Variants in PDE4D observed in about 807,000 individuals in gnomAD.
PDE4D encodes the protein 3',5'-cyclic-AMP phosphodiesterase 4D.
Under a neutral mutation model 87.4 loss-of-function variants are expected in PDE4D, and 24 were observed. The observed-to-expected ratio is 0.27, with a 90% CI of 0.20 to 0.39. The LOEUF is 0.39. Among genes scored for constraint, PDE4D ranks in the 10% least tolerant of loss-of-function variants. The pLI is 1.00. For missense variants in PDE4D, 714 were observed against 1,041.0 expected, an observed-to-expected ratio of 0.69 and a Z score of 4.32; for synonymous variants, 384 against 383.2, an observed-to-expected ratio of 1.00 and a Z score of -0.02.
chr5:60,426,394 G>A (rs1248565273), intron 1 of PDE4D, among the ~76,000 whole-genome samples: 2 of 152,112 alleles, frequency 1.3e-5, no homozygotes, highest in Non-Finnish European at 2.9e-5. Context: ...CATGGATGAA[G>A]CTGGAAACCA....
At chr5:59,736,416 C>G (rs910646928) in intron 1 of PDE4D, among the ~76,000 whole-genome samples, 2 of 152,042 alleles carry the variant, frequency 1.3e-5, no homozygotes, top group Non-Finnish European at 2.9e-5. Context: ...CAGTGGCACA[C>G]TCTTATAATC....
intron 1 of PDE4D, among the ~76,000 whole-genome samples, chr5:59,712,930 T>C (rs1475237494): frequency 1.3e-5 from 2 of 152,190 alleles, no homozygotes; most frequent in Non-Finnish European, 2.9e-5. Flanking sequence ...TAGTCCAGTA[T>C]AAATGTTTTA....
At chr5:58,986,945 G>T (rs781189915) in intron 11 of PDE4D, among the ~76,000 whole-genome samples, 1 of 114,906 alleles carries the variant, frequency 8.7e-6, no homozygotes, top group African/African-American at 3.2e-5. Context: ...CAGTTTGAAT[G>T]TTTGGTGTTT....
chr5:59,974,238 GA>G, intron 3 of PDE4D, among the ~76,000 whole-genome samples: 1 of 152,184 alleles, frequency 6.6e-6, no homozygotes, highest in African/African-American at 2.4e-5. Flanking sequence ...GAATATATAA[GA>G]AAGCAATAGT....
intron 1 of PDE4D, among the ~76,000 whole-genome samples, chr5:60,480,830 G>A (rs1286159724): frequency 6.6e-5 from 10 of 152,126 alleles, no homozygotes. Context: ...TCAGGGTGAA[G>A]AATGCAAGTG....
At chr5:59,346,039 A>G (rs917123116) in intron 1 of PDE4D, among the ~76,000 whole-genome samples, 1 of 152,232 alleles carries the variant, frequency 6.6e-6, no homozygotes, top group Non-Finnish European at 1.5e-5. Context: ...CAAAATGAGA[A>G]TAAAGAATGC....
chr5:59,003,669 T>A (rs1326015561), intron 6 of PDE4D, among the ~76,000 whole-genome samples: 1 of 151,936 alleles, frequency 6.6e-6, no homozygotes, highest in Non-Finnish European at 1.5e-5. Context: ...ATAAGCACAA[T>A]GGAGAGAAAG....
chr5:59,019,812 C>T (rs1183928071), intron 6 of PDE4D, among the ~76,000 whole-genome samples: 8 of 152,182 alleles, frequency 5.3e-5, no homozygotes, highest in African/African-American at 1.4e-4. Flanking sequence ...TTCATTAACA[C>T]ACAACAGGCT....
chr5:60,302,915 C>T (rs192360506), intron 1 of PDE4D, among the ~76,000 whole-genome samples: 134 of 152,172 alleles, frequency 8.8e-4, no homozygotes, highest in Non-Finnish European at 1.5e-3. Context: ...CTCCAACCTC[C>T]GCCTCTCAGG....
intron 1 of PDE4D, among the ~76,000 whole-genome samples, chr5:59,224,821 C>A (rs1055281458): frequency 6.6e-6 from 1 of 152,140 alleles, no homozygotes; most frequent in Non-Finnish European, 1.5e-5. Context: ...GAGAAAGCAG[C>A]CATCTGTATG....
Position 58,975,211 on chromosome 5 carries a change from C to A in PDE4D, c.2014-131G>T. Reference sequence around the variant, plus strand: ...ACTAAACTTAGTTTGGTAAAATTGTCACTATTTTCAACAACAACAGACCAT... The same window carrying A: ...ACTAAACTTAGTTTGGTAAAATTGTAACTATTTTCAACAACAACAGACCAT... On this transcript the variant is annotated intron_variant, in intron 14 of 14. Transcript: ENST00000340635. The surrounding 1 kb of genome is among the most constrained non-coding windows in gnomAD (Gnocchi z 4.2). 1 of 517,622 alleles carries A rather than the reference C, an allele frequency of 1.9e-6. No individual in the cohort carries two copies. The highest frequency in any genetic ancestry group is 3.3e-6 in the Non-Finnish European group (1 of 307,596). 32.1% of individuals were successfully genotyped at this position (517,622 alleles called of 1,614,324 possible).
At chr5:60,127,342 T>G (rs1044603882) in intron 2 of PDE4D, among the ~76,000 whole-genome samples, 1 of 152,030 alleles carries the variant, frequency 6.6e-6, no homozygotes, top group Non-Finnish European at 1.5e-5. Flanking sequence ...GGCAAGGGTG[T>G]GTGGTGAGTG....
intron 1 of PDE4D, among the ~76,000 whole-genome samples, chr5:60,220,028 A>T (rs1240717176): frequency 2.0e-5 from 3 of 152,176 alleles, no homozygotes; most frequent in Non-Finnish European, 4.4e-5. Flanking sequence ...CACATGTCAG[A>T]ATTATCTTGA....
At chr5:58,996,642 G>C (rs1240824798) in intron 6 of PDE4D, among the ~76,000 whole-genome samples, 5 of 152,106 alleles carry the variant, frequency 3.3e-5, no homozygotes, top group African/African-American at 1.2e-4. Context: ...GTTATCACAG[G>C]TTTATCTTCT....
intron 1 of PDE4D, among the ~76,000 whole-genome samples, chr5:60,473,418 T>C (rs1404670876): frequency 6.6e-6 from 1 of 152,174 alleles, no homozygotes; most frequent in Non-Finnish European, 1.5e-5. Context: ...GTATGATGTC[T>C]GCAACTTACT....
At chr5:60,135,059 G>A (rs1451794263) in intron 2 of PDE4D, among the ~76,000 whole-genome samples, 1 of 152,166 alleles carries the variant, frequency 6.6e-6, no homozygotes, top group Non-Finnish European at 1.5e-5. Context: ...CTAAATGTTT[G>A]TGTCCCTTCA....
At chr5:60,084,497 G>GAA (rs111964867) in intron 2 of PDE4D, among the ~76,000 whole-genome samples, 1 of 145,450 alleles carries the variant, frequency 6.9e-6, no homozygotes, top group African/African-American at 2.5e-5. Context: ...CTTCTTTCCA[G>GAA]AAAAAAAAAA....
chr5:59,898,705 A>G (rs1751926715), upstream of PDE4D, among the ~76,000 whole-genome samples: 1 of 152,214 alleles, frequency 6.6e-6, no homozygotes, highest in South Asian at 2.1e-4. Context: ...AAAATGGCAA[A>G]TAAGTCTATA....
intron 1 of PDE4D, among the ~76,000 whole-genome samples, chr5:59,376,427 A>C (rs1442410045): frequency 1.3e-5 from 2 of 152,190 alleles, no homozygotes; most frequent in African/African-American, 4.8e-5. Context: ...ATGCAATCCC[A>C]TTCACAATCA....
Sources: allele counts gnomAD v4.1 joint callset (sites outside exome capture counted in the v4.1 genomes callset), GRCh38; gene constraint gnomAD v4.1.1; non-coding constraint Gnocchi (gnomAD v3.1); transcripts MANE v1.5; gene names NCBI Gene and HGNC (gene_info 2026-07-23, HGNC 2026-07-21).